Variants in RASEF observed in about 807,000 individuals in gnomAD.
RASEF encodes the protein ras and EF-hand domain-containing protein.
In RASEF, 68 loss-of-function variants were observed where a neutral mutation model predicts 90.1. The ratio of observed to expected loss-of-function variants is 0.75; its 90% CI spans 0.62 to 0.92. The LOEUF (loss-of-function observed/expected upper bound fraction) is 0.92. Ranked by LOEUF, RASEF falls within the 40% of genes least tolerant of loss-of-function variation. RASEF has a pLI of 0.00. For missense variants in RASEF, 949 were observed against 937.2 expected, an observed-to-expected ratio of 1.01 and a Z score of -0.16; for synonymous variants, 331 against 345.2, an observed-to-expected ratio of 0.96 and a Z score of 0.46.
the RASEF span, among the ~76,000 whole-genome samples, chr9:83,077,587 GA>G: frequency 1.2e-4 from 18 of 151,404 alleles, no homozygotes; most frequent in South Asian, 6.3e-4. Context: ...AAACATTGGG[GA>G]AAAAAAACAA....
chr9:83,028,903 G>T (rs900508856), intron 1 of RASEF, among the ~76,000 whole-genome samples: 4 of 152,056 alleles, frequency 2.6e-5, no homozygotes, highest in African/African-American at 9.7e-5. Context: ...AAAAGAGATA[G>T]GAACCCAGAC....
At chr9:83,035,244 A>G (rs1029094871) in intron 1 of RASEF, among the ~76,000 whole-genome samples, 13 of 152,234 alleles carry the variant, frequency 8.5e-5, no homozygotes, top group African/African-American at 3.1e-4. Flanking sequence ...TGCTGCAACT[A>G]TTTAGCCCTA....
intron 5 of RASEF, among the ~76,000 whole-genome samples, 169 bp from the exon 6 acceptor site, chr9:83,009,925 A>G (rs1019394458): frequency 2.6e-5 from 4 of 152,220 alleles, no homozygotes; most frequent in South Asian, 2.1e-4. Flanking sequence ...TGAAATCAAT[A>G]TAAATTAATA....
chr9:83,034,441 T>C (rs974514332), intron 1 of RASEF, among the ~76,000 whole-genome samples: 1 of 152,206 alleles, frequency 6.6e-6, no homozygotes, highest in Admixed American at 6.5e-5. Context: ...TGGGTTTGTG[T>C]CATCTTGAGA....
intron 13 of RASEF, 152 bp from the exon 14 acceptor site, chr9:82,997,278 T>C (rs527425621): frequency 1.8e-5 from 11 of 599,158 alleles, no homozygotes; most frequent in Admixed American, 1.7e-4. Flanking sequence ...TTCAAAGGTC[T>C]CGAATGACCC....
At chr9:83,160,897 C>T in the RASEF span, among the ~76,000 whole-genome samples, 1 of 152,316 alleles carries the variant, frequency 6.6e-6, no homozygotes, top group South Asian at 2.1e-4. Flanking sequence ...TCACAGGGTG[C>T]AAGCCCCAAG....
At chr9:83,197,707 C>T in the RASEF span, among the ~76,000 whole-genome samples, 1 of 152,144 alleles carries the variant, frequency 6.6e-6, no homozygotes, top group East Asian at 1.9e-4. Context: ...TTCTTCACTC[C>T]TCCTTATCAG....
At chr9:83,088,045 G>A in the RASEF span, among the ~76,000 whole-genome samples, 1 of 151,966 alleles carries the variant, frequency 6.6e-6, no homozygotes, top group Non-Finnish European at 1.5e-5. Context: ...CCACATATTT[G>A]TGAATTTCCC....
the RASEF span, among the ~76,000 whole-genome samples, chr9:83,098,427 T>C: frequency 3.3e-5 from 5 of 152,206 alleles, no homozygotes; most frequent in Admixed American, 6.5e-5. Flanking sequence ...TTTTTCTGCT[T>C]AGTTTAACTA....
chr9:83,049,627 T>A (rs991347531), intron 1 of RASEF, among the ~76,000 whole-genome samples: 2 of 145,368 alleles, frequency 1.4e-5, no homozygotes, highest in African/African-American at 5.5e-5. Flanking sequence ...GCCATGCTGG[T>A]GCGCTGCACG....
chr9:82,983,812 C>T (rs1828663306), intron 16 of RASEF, among the ~76,000 whole-genome samples: 1 of 152,208 alleles, frequency 6.6e-6, no homozygotes, highest in South Asian at 2.1e-4. Context: ...AGAGAGGCCA[C>T]CAGAGTGGCC....
At chr9:83,011,838 A>G (rs1461945006) in intron 5 of RASEF, among the ~76,000 whole-genome samples, 1 of 152,160 alleles carries the variant, frequency 6.6e-6, no homozygotes, top group African/African-American at 2.4e-5. Context: ...TGAAGCTGGG[A>G]ACCTTCTAAG....
At position 83,000,895 on chromosome 9, in the gene RASEF, C is replaced by T; in HGVS notation, c.1437+1G>A. 9 of 1,611,842 alleles carry T rather than the reference C, an allele frequency of 5.6e-6. No individual in the cohort carries two copies. The highest frequency in any genetic ancestry group is 7.6e-6 in the Non-Finnish European group (9 of 1,177,962). On this transcript the variant is annotated splice_donor_variant, in intron 10 of 16. Coordinates refer to ENST00000376447, the MANE Select transcript of RASEF (RefSeq NM_152573.4). LOFTEE classifies it high-confidence loss of function. ...GGAGAGCAGTGGTTTCTGGGGCTTA[C>T]ATCTGTGTCTGAAGCATCACCTCCA...
chr9:83,182,144 T>G, the RASEF span, among the ~76,000 whole-genome samples: 1 of 152,202 alleles, frequency 6.6e-6, no homozygotes, highest in Non-Finnish European at 1.5e-5. Flanking sequence ...ACATTTGGCC[T>G]CATCTGCAGG....
In RASEF at chr9:82,980,190, G is replaced by A. The variant is rs1382514155; in HGVS notation, c.*2487C>T. Reference sequence around the variant, plus strand: ...TCTTAAAGAAAAACAGGGACAAGGTGAATAACTTCCATAGTAATATGCAAA... The same window carrying A: ...TCTTAAAGAAAAACAGGGACAAGGTAAATAACTTCCATAGTAATATGCAAA... On this transcript the variant is annotated 3_prime_UTR_variant, in exon 17 of 17. Transcript: ENST00000376447. The A allele has an allele frequency of 6.6e-6, 1 of 151,438 alleles. No individual in the cohort carries two copies. Among genetic ancestry groups the A allele is most frequent in the East Asian group, 2.0e-4 (1 of 5,120 alleles). The allele number at this position is 151,438 out of a possible 1,614,324, so 9.4% of individuals were successfully genotyped here.
At chr9:83,070,768 A>G in the RASEF span, among the ~76,000 whole-genome samples, 1 of 152,134 alleles carries the variant, frequency 6.6e-6, no homozygotes, top group Admixed American at 6.6e-5. Context: ...ATGAGATTAT[A>G]TCTCTCTGTT....
chr9:83,115,316 T>C, the RASEF span, among the ~76,000 whole-genome samples: 1 of 152,154 alleles, frequency 6.6e-6, no homozygotes, highest in Admixed American at 6.6e-5. Flanking sequence ...AAAACCAATA[T>C]ATCTTCAAGG....
At chr9:83,133,243 C>T in the RASEF span, among the ~76,000 whole-genome samples, 3 of 152,248 alleles carry the variant, frequency 2.0e-5, no homozygotes, top group Admixed American at 6.5e-5. Flanking sequence ...GAGTACTTCT[C>T]CTGTCCAGAA....
chr9:82,987,013 ATTGT>A (rs1203723803), intron 16 of RASEF, among the ~76,000 whole-genome samples: 2 of 152,168 alleles, frequency 1.3e-5, no homozygotes, highest in Non-Finnish European at 2.9e-5. Flanking sequence ...TTAAAAATAA[ATTGT>A]TTGAGACAGT....
Sources: allele counts gnomAD v4.1 joint callset (sites outside exome capture counted in the v4.1 genomes callset), GRCh38; gene constraint gnomAD v4.1.1; transcripts MANE v1.5; gene names NCBI Gene and HGNC (gene_info 2026-07-23, HGNC 2026-07-21).